Variants in ZC3H3 observed in about 807,000 individuals in gnomAD.
The protein encoded by ZC3H3 is zinc finger CCCH-type containing 3.
ZC3H3 carries 36 observed loss-of-function variants against 77.3 expected under a neutral mutation model. The ratio of observed to expected loss-of-function variants is 0.47; its 90% CI spans 0.36 to 0.61. The LOEUF (loss-of-function observed/expected upper bound fraction) is 0.61, where lower values mean the gene tolerates loss of function less well. ZC3H3 is among the 20% of genes least tolerant of loss of function. ZC3H3 has a pLI of 0.00. For synonymous variants in ZC3H3, 626 were observed against 555.2 expected, an observed-to-expected ratio of 1.13 and a Z score of -1.79; for missense variants, 1,331 against 1,312.2, an observed-to-expected ratio of 1.01 and a Z score of -0.22.
At position 143,522,791 on chromosome 8, in the gene ZC3H3, G is replaced by A. The variant is rs189698067; in HGVS notation, c.1561+13466C>T. ...AATACAAAAATTAGCCAGGTGTGGT[G>A]GCGCACACCTGTAGTCCCAGATACT... On this transcript the variant is annotated intron_variant, in intron 3 of 11. Transcript: ENST00000262577. Among the ~76,000 whole-genome samples, 854 of 152,200 alleles carry A rather than the reference G, an allele frequency of 5.6e-3. 7 individuals carry two copies. The highest frequency in any genetic ancestry group is 0.018 in the African/African-American group (760 of 41,512).
At chr8:143,514,437 G>A (rs1821968158) in intron 3 of ZC3H3, among the ~76,000 whole-genome samples, 1 of 152,222 alleles carries the variant, frequency 6.6e-6, no homozygotes, top group Non-Finnish European at 1.5e-5. Context: ...CGTCCACTCG[G>A]TGTTACCACA....
Position 143,440,106 on chromosome 8 carries a change from G to A in ZC3H3, c.2750C>T (p.Ser917Phe), listed in dbSNP as rs1258703007. The A allele has an allele frequency of 6.2e-7, 1 of 1,609,122 alleles. No homozygotes were observed. The highest frequency in any genetic ancestry group is 1.3e-5 in the African/African-American group (1 of 75,006). Residue 917 changes from serine (S) to phenylalanine (F), a missense_variant, in exon 11 of 12, where the codon TCC becomes TTC. Physicochemically the swap from Ser to Phe is radical, Grantham distance 155. Around this residue, in one of 3 missense-constraint regions of ZC3H3, gnomAD observed 249 missense variants for 236.9 expected, o/e 1.05. Coordinates refer to ENST00000262577, the MANE Select transcript of ZC3H3 (RefSeq NM_015117.3). The part of the protein sequence containing the change: ...CKLPSFISLQ[S>F]SPSPGAQPRV... ...GGGCTGGGCTCCTGGGCTCGGCGAG[G>A]ACTGCAGGGAGATGAAGGAAGGCAG...
rs183800592 is a variant in ZC3H3 at position 143,440,869 on chromosome 8, C to T, written c.2492+67G>A. 1.1e-3 allele frequency: 1,453 copies of T among 1,331,300 alleles called. 9 individuals are homozygous for T. In the African/African-American group the frequency reaches 0.02, roughly 18 times the overall value. 82.5% of individuals were successfully genotyped at this position (1,331,300 alleles called of 1,614,324 possible). ...TGGCGGGAGCTCAACCAGAGGGCCCCGGGCATCTCCCCAGACAGGGAGGGG... is the reference window on the plus strand; with the variant it reads ...TGGCGGGAGCTCAACCAGAGGGCCCTGGGCATCTCCCCAGACAGGGAGGGG... On this transcript the variant is annotated intron_variant, in intron 10 of 11. Coordinates refer to ENST00000262577, the MANE Select transcript of ZC3H3 (RefSeq NM_015117.3).
At chr8:143,497,203 A>T (rs1821376221) in intron 4 of ZC3H3, among the ~76,000 whole-genome samples, 1 of 152,234 alleles carries the variant, frequency 6.6e-6, no homozygotes, top group South Asian at 2.1e-4. Flanking sequence ...TTAGGAGAGG[A>T]AAGAGGAGAG....
chr8:143,519,872 G>A (rs1822185247), intron 3 of ZC3H3, among the ~76,000 whole-genome samples: 1 of 152,212 alleles, frequency 6.6e-6, no homozygotes, highest in Non-Finnish European at 1.5e-5. Flanking sequence ...GCCCTGCCCT[G>A]TGGGAAGCCA....
Position 143,450,813 on chromosome 8 carries a change from G to A in ZC3H3, c.2308-9693C>T, listed in dbSNP as rs191557318. On this transcript the variant is annotated intron_variant, in intron 9 of 11. Coordinates refer to ENST00000262577, the MANE Select transcript of ZC3H3 (RefSeq NM_015117.3). The stretch of plus-strand genomic sequence containing the variant: ...CCCACCAGGCCCCAACTCCAACATC[G>A]GGGATGATAATTCGACATGAGATTT... Among the ~76,000 whole-genome samples the A allele has an allele frequency of 2.6e-5, 4 of 152,212 alleles. No homozygotes were observed. The East Asian group carries it at 5.8e-4, about 22-fold the overall frequency.
intron 9 of ZC3H3, among the ~76,000 whole-genome samples, chr8:143,456,873 A>AAAC (rs924400039): frequency 4.6e-5 from 7 of 152,250 alleles, no homozygotes; most frequent in African/African-American, 9.6e-5. Context: ...GTCTCTAAAC[A>AAAC]AACAACAACA....
intron 4 of ZC3H3, among the ~76,000 whole-genome samples, chr8:143,480,122 C>T (rs1466378865): frequency 2.6e-5 from 4 of 152,218 alleles, no homozygotes; most frequent in Non-Finnish European, 4.4e-5. Flanking sequence ...CTCTGGCTCT[C>T]GACCCTCAGG....
intron 9 of ZC3H3, among the ~76,000 whole-genome samples, chr8:143,446,393 T>C (rs1271532394): frequency 2.0e-5 from 3 of 152,194 alleles, no homozygotes; most frequent in Admixed American, 6.5e-5. Flanking sequence ...AGAGAAGACA[T>C]GTGACTAACA....
At chr8:143,481,264 G>A (rs1445228263) in intron 4 of ZC3H3, among the ~76,000 whole-genome samples, 1 of 152,208 alleles carries the variant, frequency 6.6e-6, no homozygotes. Flanking sequence ...AGACCACAGT[G>A]GGGCCAGAGA....
At chr8:143,457,350 T>C (rs1004500017) in intron 9 of ZC3H3, among the ~76,000 whole-genome samples, 6 of 152,192 alleles carry the variant, frequency 3.9e-5, no homozygotes, top group African/African-American at 1.4e-4. Flanking sequence ...ATACTCTGGT[T>C]TCTCTTCAGA....
At chr8:143,457,247 C>T (rs375451841) in intron 9 of ZC3H3, among the ~76,000 whole-genome samples, 3 of 152,266 alleles carry the variant, frequency 2.0e-5, no homozygotes, top group East Asian at 1.9e-4. Context: ...TTAATCAATA[C>T]AGATCGAACT....
intron 3 of ZC3H3, among the ~76,000 whole-genome samples, chr8:143,532,426 G>A (rs1375330058): frequency 1.3e-5 from 2 of 152,252 alleles, no homozygotes; most frequent in Non-Finnish European, 2.9e-5. Context: ...GGACACTGCC[G>A]TCTCCTTGAA....
intron 5 of ZC3H3, among the ~76,000 whole-genome samples, chr8:143,470,180 G>A (rs1257210281): frequency 6.6e-6 from 1 of 152,180 alleles, no homozygotes; most frequent in Non-Finnish European, 1.5e-5. Flanking sequence ...CCCTAGCTAG[G>A]GTCAGTGGTG....
chr8:143,528,499 C>G (rs1040269163), intron 3 of ZC3H3, among the ~76,000 whole-genome samples: 1 of 152,250 alleles, frequency 6.6e-6, no homozygotes, highest in African/African-American at 2.4e-5. Context: ...GGCCTCCCAG[C>G]AGCCTGGCAC....
chr8:143,519,904 G>A (rs576116211), intron 3 of ZC3H3, among the ~76,000 whole-genome samples: 4 of 152,290 alleles, frequency 2.6e-5, no homozygotes, highest in East Asian at 3.9e-4. Flanking sequence ...CTCTGAGCCC[G>A]ACGGTGCCAC....
intron 4 of ZC3H3, among the ~76,000 whole-genome samples, chr8:143,502,741 G>A (rs1348008419): frequency 1.3e-5 from 2 of 152,222 alleles, no homozygotes; most frequent in African/African-American, 2.4e-5. Flanking sequence ...GAGCTGGTGA[G>A]GGCACCGGCA....
chr8:143,452,575 C>A (rs28540888), intron 9 of ZC3H3, among the ~76,000 whole-genome samples: 51,321 of 152,072 alleles, frequency 0.34, 9,219 homozygotes, highest in Middle Eastern at 0.4. Flanking sequence ...AAAGACACTT[C>A]TACATGCAAT....
At chr8:143,539,594 C>G (rs1359788248) in intron 1 of ZC3H3, among the ~76,000 whole-genome samples, 1 of 152,216 alleles carries the variant, frequency 6.6e-6, no homozygotes, top group Non-Finnish European at 1.5e-5. Context: ...TGTGGTGTAA[C>G]AAGCCTTATT....
Sources: allele counts gnomAD v4.1 joint callset (sites outside exome capture counted in the v4.1 genomes callset), GRCh38; gene constraint gnomAD v4.1.1; regional missense constraint gnomAD v4.1.1; transcripts MANE v1.5; gene names NCBI Gene and HGNC (gene_info 2026-07-23, HGNC 2026-07-21).